The following SIMC1 variants were observed in gnomAD, a reference collection of about 807,000 sequenced individuals.
SIMC1 encodes the protein SUMO interacting motifs containing 1.
SIMC1 carries 55 observed loss-of-function variants against 82.3 expected under a neutral mutation model. That is an observed-to-expected ratio of 0.67 (90% confidence interval 0.54 to 0.84). SIMC1 has a LOEUF of 0.84. Ranked by LOEUF, SIMC1 falls within the 40% of genes least tolerant of loss-of-function variation. The pLI is 0.00. For synonymous variants in SIMC1, 353 were observed against 426.3 expected, an observed-to-expected ratio of 0.83 and a Z score of 2.12; for missense variants, 915 against 1,107.2, an observed-to-expected ratio of 0.83 and a Z score of 2.46.
chr5:176,307,366 GTTTAC>G (rs982765372), intron 4 of SIMC1, among the ~76,000 whole-genome samples: 4 of 152,298 alleles, frequency 2.6e-5, no homozygotes, highest in African/African-American at 2.4e-5. Context: ...ACTTAAAAAT[GTTTAC>G]TTTAGTAAAT....
At chr5:176,286,474 AC>A (rs1763289718) in intron 1 of SIMC1, among the ~76,000 whole-genome samples, 1 of 152,240 alleles carries the variant, frequency 6.6e-6, no homozygotes, top group African/African-American at 2.4e-5. Flanking sequence ...TATACCTTAT[AC>A]AAAAATTAAT....
At chr5:176,321,908 T>G (rs556182197) in intron 5 of SIMC1, among the ~76,000 whole-genome samples, 1 of 133,432 alleles carries the variant, frequency 7.5e-6, no homozygotes, top group East Asian at 2.3e-4. Flanking sequence ...TTTTTTTTTG[T>G]AGAGTTGGGT....
At position 176,287,714 on chromosome 5, in the gene SIMC1, GA is replaced by G. The variant is rs959529194; in HGVS notation, c.130-1930del. Among the ~76,000 whole-genome samples the G allele has an allele frequency of 6.0e-3, 863 of 144,232 alleles. 9 individuals carry two copies. Among genetic ancestry groups the G allele is most frequent in the African/African-American group, 0.016 (645 of 39,402 alleles). The allele number at this position is 144,232 out of a possible 152,430, so 94.6% of individuals were successfully genotyped here. A position where few individuals can be genotyped will look rare whatever the true frequency, so the allele number is the denominator to read the frequency against. ...AAAATAAATTGAAAGAATAAAAAAA[GA>G]AAAAAAAAATCCTAAGGAATCGACA... On this transcript the variant is annotated intron_variant, in intron 1 of 9. Coordinates refer to ENST00000429602, the MANE Select transcript of SIMC1 (RefSeq NM_001308195.2).
chr5:176,277,900 T>G (rs1220229788), intron 1 of SIMC1, among the ~76,000 whole-genome samples: 1 of 151,046 alleles, frequency 6.6e-6, no homozygotes, highest in African/African-American at 2.4e-5. Flanking sequence ...CCAGCTTTGT[T>G]CTTTTGGCTT....
At chr5:176,339,430 T>C (rs13184338) in intron 9 of SIMC1, among the ~76,000 whole-genome samples, 5,753 of 152,256 alleles carry the variant, frequency 0.038, 131 homozygotes, top group Middle Eastern at 0.095. Flanking sequence ...TGTGCATTTG[T>C]AGCACCCTCA....
At chr5:176,247,281 C>T (rs1761483915) in intron 1 of SIMC1, among the ~76,000 whole-genome samples, 1 of 152,114 alleles carries the variant, frequency 6.6e-6, no homozygotes, top group Non-Finnish European at 1.5e-5. Flanking sequence ...TGGTTCCTGA[C>T]TTTTTAATGA....
chr5:176,308,261 G>A, intron 4 of SIMC1: 1 of 1,527,302 alleles, frequency 6.5e-7, no homozygotes, highest in Non-Finnish European at 9.1e-7. Context: ...TGAAAAGGTT[G>A]ATGCCATCAG....
chr5:176,252,436 CAG>C (rs1761703515), intron 1 of SIMC1, among the ~76,000 whole-genome samples: 1 of 150,732 alleles, frequency 6.6e-6, no homozygotes, highest in East Asian at 2.0e-4. Flanking sequence ...GGCGGCCGGG[CAG>C]AGACGCTCCT....
chr5:176,308,096 G>A, intron 4 of SIMC1: 1 of 777,666 alleles, frequency 1.3e-6, no homozygotes, highest in Non-Finnish European at 2.3e-6. Context: ...GGTGCAGGCA[G>A]TTCATCTAGA....
chr5:176,322,110 CT>C (rs1765187277), intron 5 of SIMC1, among the ~76,000 whole-genome samples, 162 bp from the exon 6 acceptor site: 1 of 151,888 alleles, frequency 6.6e-6, no homozygotes, highest in Non-Finnish European at 1.5e-5. Context: ...CCAGAGGGCC[CT>C]TTTGTTGCCT....
intron 1 of SIMC1, 70 bp from the exon 2 acceptor site, chr5:176,289,584 G>T: frequency 3.2e-6 from 4 of 1,246,560 alleles, no homozygotes; most frequent in Non-Finnish European, 4.4e-6. Flanking sequence ...TAAAAGCTAA[G>T]ACTTAAGTCA....
intron 4 of SIMC1, chr5:176,308,806 G>A (rs1764537092): frequency 1.6e-6 from 2 of 1,248,454 alleles, no homozygotes; most frequent in Admixed American, 1.7e-5. Flanking sequence ...GATGCATATT[G>A]GAGGATCCAC....
intron 1 of SIMC1, among the ~76,000 whole-genome samples, chr5:176,271,317 G>A (rs13184325): frequency 1.1e-4 from 16 of 152,158 alleles, no homozygotes; most frequent in South Asian, 4.1e-4. Flanking sequence ...CCAAGATCTC[G>A]CCACTGCGCT....
chr5:176,326,472 A>G lies in SIMC1; in HGVS notation c.2171+1715A>G, dbSNP rs895664310. On this transcript the variant is annotated intron_variant, in intron 7 of 9. Coordinates refer to ENST00000429602, the MANE Select transcript of SIMC1 (RefSeq NM_001308195.2). ...AGTTTTGAACTCCTGGGCTCAAGCA[A>G]TCCTCCTGCCTCAGCCTCCCGAAGT... 1.3e-5 allele frequency among the ~76,000 whole-genome samples: 2 copies of G among 151,962 alleles called. 1 individual carries two copies. The highest frequency in any genetic ancestry group is 1.3e-4 in the Admixed American group (2 of 15,236).
chr5:176,279,082 G>GAC (rs1386315350), intron 1 of SIMC1, among the ~76,000 whole-genome samples: 1 of 152,132 alleles, frequency 6.6e-6, no homozygotes, highest in Admixed American at 6.6e-5. Flanking sequence ...TCTGGTCCTG[G>GAC]ACTCTTTTTG....
chr5:176,326,890 A>G (rs899186922), intron 7 of SIMC1, among the ~76,000 whole-genome samples: 2 of 152,212 alleles, frequency 1.3e-5, no homozygotes, highest in South Asian at 2.1e-4. Context: ...AATGAATAAG[A>G]AAAGCATTCA....
chr5:176,332,218 A>G (rs1765700358), intron 7 of SIMC1, among the ~76,000 whole-genome samples: 4 of 152,046 alleles, frequency 2.6e-5, no homozygotes, highest in Admixed American at 2.0e-4. Context: ...AAGATTTTCT[A>G]TTATTCCATT....
chr5:176,308,377 A>G (rs567722507), intron 4 of SIMC1: 1 of 1,583,186 alleles, frequency 6.3e-7, no homozygotes, highest in Non-Finnish European at 8.7e-7. Flanking sequence ...ACAGAGGCAG[A>G]GAAGTTGGCT....
At position 176,333,691 on chromosome 5, in the gene SIMC1, G is replaced by C. The variant is rs536244681; in HGVS notation, c.2172-3029G>C. ...TTGATTCCCCCACCTGGGCCTCCCA[G>C]AGTGCTGGGATTACAGGTGTGAGCC... On this transcript the variant is annotated intron_variant, in intron 7 of 9. Coordinates refer to ENST00000429602, the MANE Select transcript of SIMC1 (RefSeq NM_001308195.2). 8.5e-5 allele frequency among the ~76,000 whole-genome samples: 13 copies of C among 152,228 alleles called. No individual in the cohort carries two copies. The East Asian group carries it at 2.3e-3, about 27-fold the overall frequency.
Sources: allele counts gnomAD v4.1 joint callset (sites outside exome capture counted in the v4.1 genomes callset), GRCh38; gene constraint gnomAD v4.1.1; transcripts MANE v1.5; gene names NCBI Gene and HGNC (gene_info 2026-07-23, HGNC 2026-07-21).